Variants in SLC39A10 observed in about 807,000 individuals in gnomAD.
SLC39A10 encodes the protein solute carrier family 39 member 10, also known as zinc transporter ZIP10.
SLC39A10 carries 13 observed loss-of-function variants against 65.1 expected under a neutral mutation model. The observed-to-expected ratio is 0.20, with a 90% CI of 0.13 to 0.32. SLC39A10 has a LOEUF of 0.32. Ranked by LOEUF, SLC39A10 falls within the 10% of genes least tolerant of loss-of-function variation. The pLI is 1.00. For missense variants in SLC39A10, 831 were observed against 1,018.4 expected, an observed-to-expected ratio of 0.82 and a Z score of 2.50; for synonymous variants, 321 against 342.2, an observed-to-expected ratio of 0.94 and a Z score of 0.68.
At chr2:195,621,137 A>C (rs1284481255) in intron 2 of SLC39A10, among the ~76,000 whole-genome samples, 1 of 152,246 alleles carries the variant, frequency 6.6e-6, no homozygotes. Context: ...CCTTTCGACT[A>C]TCTGCTGTCT....
In SLC39A10 at chr2:195,680,869, G is replaced by A; in HGVS notation, c.827G>A (p.Gly276Asp). Residue 276 changes from glycine (G) to aspartate (D), a missense_variant, in exon 2 of 10, where the codon GGT becomes GAT. Physicochemically the swap from Gly to Asp is moderately conservative, Grantham distance 94 (BLOSUM62 -1). Around this residue, in one of 4 missense-constraint regions of SLC39A10, gnomAD observed 446 missense variants for 499.2 expected, o/e 0.89. Coordinates refer to ENST00000359634, the MANE Select transcript of SLC39A10 (RefSeq NM_020342.3). ...AAACCTGATCGTGTACATAACCCAGGTCATTCTCATGTACATCTTCCAGAA... is the reference window on the plus strand; with the variant it reads ...AAACCTGATCGTGTACATAACCCAGATCATTCTCATGTACATCTTCCAGAA... ...VHKPDRVHNP[G>D]HSHVHLPERN... The A allele has an allele frequency of 6.2e-7, 1 of 1,614,072 alleles. No homozygotes were observed. The highest frequency in any genetic ancestry group is 8.5e-7 in the Non-Finnish European group (1 of 1,180,030).
chr2:195,688,153 T>C (rs1474450988), intron 3 of SLC39A10, among the ~76,000 whole-genome samples: 1 of 152,188 alleles, frequency 6.6e-6, no homozygotes, highest in Non-Finnish European at 1.5e-5. Flanking sequence ...TGGGTACATA[T>C]AAAGAAAACA....
chr2:195,658,954 A>C (rs1289942875), intron 1 of SLC39A10, among the ~76,000 whole-genome samples: 1 of 152,250 alleles, frequency 6.6e-6, no homozygotes, highest in East Asian at 1.9e-4. Context: ...CCAGTTATGA[A>C]ATAATGAAGA....
Position 195,702,658 on chromosome 2 carries a change from T to G in SLC39A10, c.1217-3958T>G, listed in dbSNP as rs149469900. Among the ~76,000 whole-genome samples the G allele has an allele frequency of 4.8e-3, 725 of 152,360 alleles. 4 individuals are homozygous for G. Among genetic ancestry groups the G allele is most frequent in the African/African-American group, 0.017 (705 of 41,582 alleles). Reference sequence around the variant, plus strand: ...ACAGGATCATACTATTAAGGCCATGTTTCATTTCCTTCTTCAATTCTTCAA... The same window carrying G: ...ACAGGATCATACTATTAAGGCCATGGTTCATTTCCTTCTTCAATTCTTCAA... On this transcript the variant is annotated intron_variant, in intron 3 of 9. Coordinates refer to ENST00000359634, the MANE Select transcript of SLC39A10 (RefSeq NM_020342.3).
chr2:195,657,403 G>C, intron 1 of SLC39A10, 122 bp downstream of exon 1: 1 of 985,710 alleles, frequency 1.0e-6, no homozygotes, highest in Non-Finnish European at 1.2e-6. Context: ...GGGGAGTCGG[G>C]GCTGGTTCCC....
At chr2:195,700,463 A>G (rs1035107903) in intron 3 of SLC39A10, among the ~76,000 whole-genome samples, 1 of 152,204 alleles carries the variant, frequency 6.6e-6, no homozygotes, top group Non-Finnish European at 1.5e-5. Context: ...ATTTGAATTT[A>G]TATCATTTTA....
intron 2 of SLC39A10, among the ~76,000 whole-genome samples, chr2:195,648,074 C>T (rs1688961289): frequency 6.6e-6 from 1 of 152,196 alleles, no homozygotes; most frequent in African/African-American, 2.4e-5. Flanking sequence ...CTCACTGCAG[C>T]CTCCACCTCC....
chr2:195,677,117 T>C (rs967543556), intron 1 of SLC39A10, among the ~76,000 whole-genome samples: 7 of 152,216 alleles, frequency 4.6e-5, no homozygotes, highest in African/African-American at 1.7e-4. Flanking sequence ...GTTCAGAAAG[T>C]ACACAGAGCA....
intron 3 of SLC39A10, among the ~76,000 whole-genome samples, chr2:195,697,686 C>T (rs142869764): frequency 6.4e-4 from 97 of 151,208 alleles, no homozygotes; most frequent in African/African-American, 2.3e-3. Context: ...TATGACAAAG[C>T]TCTAATCTCC....
rs1322770434 is a variant in SLC39A10 at position 195,639,722 on chromosome 2, G to T, written c.-12+33489G>T. Among the ~76,000 whole-genome samples the T allele has an allele frequency of 3.3e-5, 5 of 152,110 alleles. No homozygotes were observed. The South Asian group carries it at 1.0e-3, about 32-fold the overall frequency. On this transcript the variant is annotated intron_variant, in intron 2 of 2. Coordinates refer to the SLC39A10 transcript ENST00000458054. ...CTCCCGAGTAGCTGGGATTACAGGC[G>T]AGTGCCACCACACCCGGCTAATTTT...
intron 1 of SLC39A10, among the ~76,000 whole-genome samples, chr2:195,679,816 ACTTATT>A (rs1690232709): frequency 6.6e-6 from 1 of 152,230 alleles, no homozygotes; most frequent in South Asian, 2.1e-4. Flanking sequence ...TACTAAACTA[ACTTATT>A]CTTAAAGATT....
At chr2:195,646,372 C>T (rs1688915155) in intron 2 of SLC39A10, among the ~76,000 whole-genome samples, 1 of 152,098 alleles carries the variant, frequency 6.6e-6, no homozygotes, top group African/African-American at 2.4e-5. Context: ...ATGGGTTGTC[C>T]CTATCACAGT....
intron 2 of SLC39A10, among the ~76,000 whole-genome samples, chr2:195,645,253 A>C (rs1483303472): frequency 1.3e-5 from 2 of 152,026 alleles, no homozygotes; most frequent in African/African-American, 4.8e-5. Flanking sequence ...TGCTGGGCAG[A>C]GGTATAACAG....
intron 2 of SLC39A10, among the ~76,000 whole-genome samples, chr2:195,620,765 C>T (rs1320923896): frequency 6.6e-6 from 1 of 152,066 alleles, no homozygotes; most frequent in Admixed American, 6.6e-5. Flanking sequence ...TTTTAGATGC[C>T]AAAGATATGG....
intron 4 of SLC39A10, among the ~76,000 whole-genome samples, chr2:195,708,057 T>G (rs114900032): frequency 6.6e-6 from 1 of 152,142 alleles, no homozygotes; most frequent in Non-Finnish European, 1.5e-5. Context: ...TCTTGCTAAC[T>G]TTCCACAGTA....
chr2:195,733,250 G>T (rs1692483280), intron 9 of SLC39A10, among the ~76,000 whole-genome samples: 1 of 152,126 alleles, frequency 6.6e-6, no homozygotes. Context: ...GTGTCCCAGA[G>T]GGTAGCATAT....
intron 3 of SLC39A10, among the ~76,000 whole-genome samples, chr2:195,687,232 A>G (rs1690560214): frequency 6.6e-6 from 1 of 152,198 alleles, no homozygotes; most frequent in Non-Finnish European, 1.5e-5. Context: ...ATTAAACTTA[A>G]TTAAAAATAA....
At chr2:195,654,234 T>C (rs1689103239), upstream of SLC39A10, among the ~76,000 whole-genome samples, 1 of 152,206 alleles carries the variant, frequency 6.6e-6, no homozygotes, top group African/African-American at 2.4e-5. Flanking sequence ...CCACCACGCC[T>C]GGCAGAATTA....
intron 5 of SLC39A10, among the ~76,000 whole-genome samples, chr2:195,712,141 C>T (rs1456279469): frequency 6.6e-6 from 1 of 152,224 alleles, no homozygotes; most frequent in South Asian, 2.1e-4. Flanking sequence ...ATACTTCACT[C>T]CCTGTCTGCA....
Sources: allele counts gnomAD v4.1 joint callset (sites outside exome capture counted in the v4.1 genomes callset), GRCh38; gene constraint gnomAD v4.1.1; regional missense constraint gnomAD v4.1.1; transcripts MANE v1.5; gene names NCBI Gene and HGNC (gene_info 2026-07-23, HGNC 2026-07-21).